Variants in FRMPD1 observed in about 807,000 individuals in gnomAD.
The protein encoded by FRMPD1 is FERM and PDZ domain containing 1, also known as FERM and PDZ domain-containing protein 1.
FRMPD1 carries 76 observed loss-of-function variants against 117.8 expected under a neutral mutation model. The ratio of observed to expected loss-of-function variants is 0.65; its 90% CI spans 0.54 to 0.78. The LOEUF is 0.78. Ranked by LOEUF, FRMPD1 falls within the 30% of genes least tolerant of loss-of-function variation. The pLI, the probability that FRMPD1 is intolerant of heterozygous loss-of-function variation, is 0.00. For missense variants in FRMPD1, 1,786 were observed against 1,964.5 expected, an observed-to-expected ratio of 0.91 and a Z score of 1.72; for synonymous variants, 783 against 770.4, an observed-to-expected ratio of 1.02 and a Z score of -0.27.
At chr9:37,648,632 G>A (rs962637583), upstream of FRMPD1, among the ~76,000 whole-genome samples, 7 of 152,140 alleles carry the variant, frequency 4.6e-5, no homozygotes, top group Admixed American at 3.3e-4. Flanking sequence ...AGAAGTTAAG[G>A]AGACAGAGTT....
chr9:37,695,810 C>T (rs1361172833), intron 2 of FRMPD1, among the ~76,000 whole-genome samples: 3 of 152,142 alleles, frequency 2.0e-5, no homozygotes, highest in Non-Finnish European at 1.5e-5. Context: ...CCGCAAGGAT[C>T]ACTCACTTGC....
intron 2 of FRMPD1, chr9:37,693,190 TTCTTTCTGTGTCTTCTGTG>T (rs1179081438): frequency 6.3e-6 from 1 of 158,188 alleles, no homozygotes; most frequent in Non-Finnish European, 1.4e-5. Flanking sequence ...GCCGTTTATA[TTCTTTCTGTGTCTTCTGTG>T]TCTTTCTGTG....
In FRMPD1 at chr9:37,746,156, C is replaced by T. The variant is rs142476012; in HGVS notation, c.4124C>T (p.Pro1375Leu). The T allele has an allele frequency of 2.5e-6, 4 of 1,613,746 alleles. No homozygotes were observed. Among genetic ancestry groups the T allele is most frequent in the East Asian group, 2.2e-5 (1 of 44,900 alleles). ...PLTSPPSAGS[P>L]VVLPWRPARA... is the part of the protein sequence containing the mutation. ...ACCTCACCGCCCTCTGCGGGAAGCC[C>T]GGTGGTTCTGCCCTGGAGGCCTGCC... The change falls in exon 16 of 16, where the codon CCG (proline) becomes CTG (leucine). Residue 1375 changes from proline (P) to leucine (L), a missense_variant. Pro to Leu is a moderately conservative substitution (Grantham distance 98). Coordinates refer to ENST00000377765, the MANE Select transcript of FRMPD1 (RefSeq NM_014907.3).
At chr9:37,606,067 T>A in the FRMPD1 span, among the ~76,000 whole-genome samples, 1 of 152,196 alleles carries the variant, frequency 6.6e-6, no homozygotes. Context: ...ATGGGTTGTA[T>A]AATCTGTAGA....
At chr9:37,682,739 G>A (rs926103946) in intron 1 of FRMPD1, among the ~76,000 whole-genome samples, 1 of 152,116 alleles carries the variant, frequency 6.6e-6, no homozygotes, top group South Asian at 2.1e-4. Context: ...TGCTTATAGG[G>A]TTTTACTAAG....
chr9:37,744,080 T>A (rs1824558389), intron 15 of FRMPD1, among the ~76,000 whole-genome samples: 1 of 151,422 alleles, frequency 6.6e-6, no homozygotes, highest in Non-Finnish European at 1.5e-5. Context: ...TCTCAGCTAC[T>A]CCGGGGGGAT....
intron 2 of FRMPD1, chr9:37,693,311 T>A (rs1453928071): frequency 6.6e-6 from 1 of 152,374 alleles, no homozygotes; most frequent in African/African-American, 2.4e-5. Context: ...ATTTGACTGC[T>A]ACAGGAGAAC....
chr9:37,608,397 T>TC, the FRMPD1 span, among the ~76,000 whole-genome samples: 2 of 148,710 alleles, frequency 1.3e-5, no homozygotes, highest in Admixed American at 6.8e-5. Context: ...TTTTTTTTTT[T>TC]CTATCTTTCT....
In FRMPD1 at chr9:37,740,553, C is replaced by T. The variant is rs533913734; in HGVS notation, c.2025C>T (p.Ser675=). The change falls in exon 15 of 16, where the codon TCC becomes TCT. Residue 675 remains serine (S), a synonymous_variant. Transcript: ENST00000377765. The surrounding 1 kb of genome is among the most constrained non-coding windows in gnomAD (Gnocchi z 4.2). ...ANPQCQKTEF[S]ESAALETFGW... ...CCCAGTGCCAGAAGACAGAGTTTTC[C>T]GAGAGTGCTGCTTTGGAGACATTTG... 37 of 1,614,202 alleles carry T rather than the reference C, an allele frequency of 2.3e-5. No individual in the cohort carries two copies. Among genetic ancestry groups the T allele is most frequent in the Admixed American group, 6.7e-5 (4 of 60,028 alleles).
chr9:37,715,058 T>C (rs190101979), intron 5 of FRMPD1, among the ~76,000 whole-genome samples: 28 of 152,314 alleles, frequency 1.8e-4, no homozygotes, highest in Non-Finnish European at 2.6e-4. Context: ...TGAAATTGAT[T>C]AGGAATGATA....
At chr9:37,709,453 G>A (rs1157008459) in intron 4 of FRMPD1, among the ~76,000 whole-genome samples, 2 of 151,780 alleles carry the variant, frequency 1.3e-5, no homozygotes, top group East Asian at 3.9e-4. Context: ...TACTCGGGTG[G>A]CTGAGGCAGG....
intron 1 of FRMPD1, among the ~76,000 whole-genome samples, chr9:37,680,885 A>G (rs999453940): frequency 6.6e-6 from 1 of 152,158 alleles, no homozygotes; most frequent in African/African-American, 2.4e-5. Context: ...GAAGAATGAT[A>G]TGTAGTGCCA....
In FRMPD1 at chr9:37,717,095, G is replaced by A. The variant is rs551523534; in HGVS notation, c.409-1974G>A. 5.9e-5 allele frequency among the ~76,000 whole-genome samples: 9 copies of A among 152,174 alleles called. No individual in the cohort carries two copies. The South Asian group carries it at 1.9e-3, about 32-fold the overall frequency. Reference sequence around the variant, plus strand: ...TGGCCTTTTCCACAGGGGGATTATAGGAGACCTTATCAAATGCTTTGCAAG... The same window carrying A: ...TGGCCTTTTCCACAGGGGGATTATAAGAGACCTTATCAAATGCTTTGCAAG... On this transcript the variant is annotated intron_variant, in intron 5 of 15. Transcript: ENST00000377765.
At chr9:37,647,510 CAAAAAAA>C (rs369681968), upstream of FRMPD1, among the ~76,000 whole-genome samples, 141 of 80,340 alleles carry the variant, frequency 1.8e-3, 1 homozygote, top group Admixed American at 3.4e-3. Flanking sequence ...GACTCCGTTT[CAAAAAAA>C]AAAAAAAAAA....
the FRMPD1 span, among the ~76,000 whole-genome samples, chr9:37,641,618 C>T: frequency 6.6e-6 from 1 of 152,180 alleles, no homozygotes; most frequent in African/African-American, 2.4e-5. Context: ...GTACACAGTA[C>T]ATAGTAACAA....
chr9:37,738,989 A>G (rs968869830), intron 14 of FRMPD1, among the ~76,000 whole-genome samples: 2 of 152,024 alleles, frequency 1.3e-5, no homozygotes, highest in African/African-American at 2.4e-5. Flanking sequence ...GAGGGGCTGG[A>G]CCATATTGCA....
chr9:37,724,075 T>C, intron 6 of FRMPD1, 150 bp from the exon 7 acceptor site: 1 of 460,144 alleles, frequency 2.2e-6, no homozygotes, highest in Non-Finnish European at 3.9e-6. Context: ...TTTGGCAGGC[T>C]GAGGTGGGAG....
chr9:37,638,410 G>A, the FRMPD1 span, among the ~76,000 whole-genome samples: 1 of 152,138 alleles, frequency 6.6e-6, no homozygotes, highest in Non-Finnish European at 1.5e-5. Flanking sequence ...TGCGTTATGG[G>A]TAGTCCATGT....
intron 1 of FRMPD1, among the ~76,000 whole-genome samples, chr9:37,685,361 C>T (rs375503368): frequency 9.2e-5 from 14 of 151,982 alleles, no homozygotes; most frequent in Admixed American, 2.0e-4. Context: ...ATTTGCCTTT[C>T]GGCTGGGCGC....
Sources: allele counts gnomAD v4.1 joint callset (sites outside exome capture counted in the v4.1 genomes callset), GRCh38; gene constraint gnomAD v4.1.1; non-coding constraint Gnocchi (gnomAD v3.1); transcripts MANE v1.5; gene names NCBI Gene and HGNC (gene_info 2026-07-23, HGNC 2026-07-21).